TTC7A: variants seen among roughly 807,000 people sequenced by gnomAD.
TTC7A encodes the protein tetratricopeptide repeat protein 7A.
In TTC7A, 110 loss-of-function variants were observed where a neutral mutation model predicts 103.7. The observed-to-expected ratio is 1.06, with a 90% confidence interval of 0.91 to 1.24. The LOEUF (loss-of-function observed/expected upper bound fraction) is 1.24, where lower values mean the gene tolerates loss of function less well. TTC7A is among the 50% of genes most tolerant of loss of function. The pLI, the probability that TTC7A is intolerant of heterozygous loss-of-function variation, is 0.00. For missense variants in TTC7A, 1,340 were observed against 1,116.3 expected (o/e 1.20, Z -2.86); for synonymous variants, 521 against 467.9 (o/e 1.11, Z -1.47).
At chr2:46,932,139 G>A (rs1669738150) in intron 2 of TTC7A, among the ~76,000 whole-genome samples, 1 of 151,758 alleles carries the variant, frequency 6.6e-6, no homozygotes, top group African/African-American at 2.4e-5. Context: ...AAGCAATGTA[G>A]GGCTTCTGGG....
chr2:47,072,515 A>G (rs1684846541), intron 19 of TTC7A, among the ~76,000 whole-genome samples: 1 of 152,244 alleles, frequency 6.6e-6, no homozygotes, highest in African/African-American at 2.4e-5. Flanking sequence ...GCGCGTCTCC[A>G]TAGCAACAGA....
chr2:47,034,700 C>T (rs1680919609), intron 15 of TTC7A, among the ~76,000 whole-genome samples: 1 of 152,150 alleles, frequency 6.6e-6, no homozygotes, highest in African/African-American at 2.4e-5. Context: ...GAAGAACAAA[C>T]AATTTCCCCT....
intron 1 of TTC7A, among the ~76,000 whole-genome samples, chr2:46,942,836 G>C (rs1353782036): frequency 1.3e-5 from 2 of 152,234 alleles, no homozygotes; most frequent in African/African-American, 4.8e-5. Context: ...GGGGAGGCAA[G>C]AAAGTGATCG....
chr2:46,994,531 C>T lies in TTC7A; in HGVS notation c.1001+17C>T. ...AGGAGACAAGTAAGTTCTGCCTGCC[C>T]TGCTGCACCTTGCCAGTCTCACATC... is the stretch of plus-strand genomic sequence containing the variant. On this transcript the variant is annotated intron_variant, in intron 7 of 19. Coordinates refer to ENST00000319190, the MANE Select transcript of TTC7A (RefSeq NM_020458.4). 1 of 1,612,572 alleles carries T rather than the reference C, an allele frequency of 6.2e-7. No homozygotes were observed. The highest frequency in any genetic ancestry group is 1.7e-5 in the Admixed American group (1 of 59,944).
intron 2 of TTC7A, among the ~76,000 whole-genome samples, chr2:46,928,897 T>C (rs1335009126): frequency 2.0e-5 from 3 of 152,166 alleles, no homozygotes; most frequent in African/African-American, 7.2e-5. Context: ...ACACTTCTAG[T>C]CATGCCTGCA....
intron 2 of TTC7A, among the ~76,000 whole-genome samples, chr2:46,930,628 T>C (rs1326838774): frequency 6.6e-6 from 1 of 151,810 alleles, no homozygotes; most frequent in Non-Finnish European, 1.5e-5. Flanking sequence ...GCCTCCCAAG[T>C]AGCTGGGATT....
intron 2 of TTC7A, among the ~76,000 whole-genome samples, chr2:46,955,944 C>T (rs1671817199): frequency 6.6e-6 from 1 of 152,158 alleles, no homozygotes; most frequent in Admixed American, 6.5e-5. Flanking sequence ...GGATCAGAGG[C>T]AGGGGGCCAG....
intron 18 of TTC7A, among the ~76,000 whole-genome samples, chr2:47,055,742 G>C (rs376595209): frequency 6.6e-6 from 1 of 152,180 alleles, no homozygotes; most frequent in Non-Finnish European, 1.5e-5. Context: ...CCCAGTGCCA[G>C]ACTCCTGTGG....
At chr2:46,931,943 C>T (rs4300885) in intron 2 of TTC7A, among the ~76,000 whole-genome samples, 8,637 of 152,118 alleles carry the variant, frequency 0.057, 297 homozygotes, top group African/African-American at 0.088. Flanking sequence ...AATGTGAGGA[C>T]GGTTTAACCT....
chr2:46,931,541 G>A (rs1669703278), intron 2 of TTC7A, among the ~76,000 whole-genome samples: 1 of 152,166 alleles, frequency 6.6e-6, no homozygotes. Context: ...GAGTAGAGGT[G>A]CCCATGGAAG....
chr2:46,985,955 G>GCTTC (rs1674966848), intron 5 of TTC7A, among the ~76,000 whole-genome samples: 1 of 152,190 alleles, frequency 6.6e-6, no homozygotes, highest in African/African-American at 2.4e-5. Context: ...GTAGGTTTTA[G>GCTTC]CAACGTCTCT....
intron 3 of TTC7A, among the ~76,000 whole-genome samples, chr2:46,974,406 G>A (rs1011571452): frequency 6.6e-6 from 1 of 152,224 alleles, no homozygotes; most frequent in Admixed American, 6.5e-5. Flanking sequence ...ATTGCTTCAA[G>A]ATACTCTCCA....
At chr2:47,044,444 C>A (rs1233210904) in intron 15 of TTC7A, among the ~76,000 whole-genome samples, 1 of 152,200 alleles carries the variant, frequency 6.6e-6, no homozygotes, top group African/African-American at 2.4e-5. Flanking sequence ...CCAGTTGTCC[C>A]CAGCAGTTGC....
intron 18 of TTC7A, among the ~76,000 whole-genome samples, chr2:47,055,296 G>A (rs187373947): frequency 2.0e-5 from 3 of 152,300 alleles, no homozygotes; most frequent in East Asian, 1.9e-4. Flanking sequence ...AAGTTCCATC[G>A]TGAATTCACT....
intron 11 of TTC7A, among the ~76,000 whole-genome samples, chr2:47,015,373 A>C (rs1013191676): frequency 6.6e-6 from 1 of 152,236 alleles, no homozygotes; most frequent in Non-Finnish European, 1.5e-5. Flanking sequence ...TGCAAAATGG[A>C]AACAGGGCAT....
At chr2:46,927,354 G>C (rs929689407) in intron 2 of TTC7A, among the ~76,000 whole-genome samples, 12 of 144,334 alleles carry the variant, frequency 8.3e-5, no homozygotes, top group Non-Finnish European at 1.5e-4. Context: ...GAGAAAAAAA[G>C]ATTTTTTTTT....
At chr2:46,956,694 T>C (rs1386194369) in intron 2 of TTC7A, 145 bp from the exon 3 acceptor site, 14 of 794,286 alleles carry the variant, frequency 1.8e-5, no homozygotes, top group Non-Finnish European at 2.8e-5. Context: ...GCTGTCGGCA[T>C]GTGCTTGAGC....
intron 2 of TTC7A, among the ~76,000 whole-genome samples, chr2:46,935,096 G>A (rs1431617564): frequency 6.6e-6 from 1 of 152,092 alleles, no homozygotes; most frequent in African/African-American, 2.4e-5. Context: ...ACCACGCCGA[G>A]CCCTAAGACT....
rs1356666778 is a variant in TTC7A at position 47,050,113 on chromosome 2, C to T, written c.2017+67C>T. ...AGCTCACACTCCCAGCTTGAGAGCA[C>T]CAACACAGAGAGGGGCCGGGCCCTC... On this transcript the variant is annotated intron_variant, in intron 17 of 19. Transcript: ENST00000319190. The T allele has an allele frequency of 6.6e-6, 9 of 1,362,494 alleles. No homozygotes were observed. In the African/African-American group the frequency reaches 8.6e-5, roughly 13 times the overall value. 84.4% of individuals were successfully genotyped at this position (1,362,494 alleles called of 1,614,324 possible). A position where few individuals can be genotyped will look rare whatever the true frequency, so the allele number is the denominator to read the frequency against.
Sources: allele counts gnomAD v4.1 joint callset (sites outside exome capture counted in the v4.1 genomes callset), GRCh38; gene constraint gnomAD v4.1.1; transcripts MANE v1.5; gene names NCBI Gene and HGNC (gene_info 2026-07-23, HGNC 2026-07-21).